The following THSD7B variants were observed in gnomAD, a reference collection of about 807,000 sequenced individuals.
The protein encoded by THSD7B is thrombospondin type-1 domain-containing protein 7B.
A neutral mutation model predicts 213.6 loss-of-function variants in THSD7B; 138 were observed. The ratio of observed to expected loss-of-function variants is 0.65; its 90% CI spans 0.56 to 0.74. The LOEUF (loss-of-function observed/expected upper bound fraction) is 0.74. THSD7B is among the 30% of genes least tolerant of loss of function. The pLI is 0.00. For synonymous variants in THSD7B, 742 were observed against 687.0 expected, an observed-to-expected ratio of 1.08 and a Z score of -1.25; for missense variants, 1,931 against 1,991.5, an observed-to-expected ratio of 0.97 and a Z score of 0.58.
intron 2 of THSD7B, among the ~76,000 whole-genome samples, chr2:136,985,882 C>A (rs368450076): frequency 1.3e-5 from 2 of 152,250 alleles, no homozygotes; most frequent in Admixed American, 6.5e-5. Flanking sequence ...GCTTTGGGAG[C>A]CCACTCCTTG....
At chr2:137,614,604 A>G (rs1286789358) in intron 17 of THSD7B, among the ~76,000 whole-genome samples, 2 of 152,178 alleles carry the variant, frequency 1.3e-5, no homozygotes, top group African/African-American at 4.8e-5. Context: ...TTGGTAAAAT[A>G]GTGATAAATT....
intron 15 of THSD7B, among the ~76,000 whole-genome samples, chr2:137,489,908 T>C (rs1688567173): frequency 1.3e-5 from 2 of 152,104 alleles, no homozygotes; most frequent in Non-Finnish European, 1.5e-5. Context: ...TGTGGAACAA[T>C]GTTCTGTTTT....
intron 15 of THSD7B, among the ~76,000 whole-genome samples, chr2:137,519,380 AT>A (rs1209304759): frequency 2.6e-5 from 4 of 152,156 alleles, no homozygotes; most frequent in African/African-American, 4.8e-5. Context: ...TAGAACAGTT[AT>A]TTTCAATACT....
chr2:136,816,188 C>T (rs932443699), intron 1 of THSD7B, among the ~76,000 whole-genome samples: 1 of 152,156 alleles, frequency 6.6e-6, no homozygotes, highest in Non-Finnish European at 1.5e-5. Flanking sequence ...TAGCAGACAT[C>T]AGAATTTGGT....
rs76706726 is a variant in THSD7B, at chr2:136,866,765, T to C, written c.-35-15379T>C. The stretch of plus-strand genomic sequence containing the variant: ...GTTGGTTCTTACTTCAGTTTTGGAA[T>C]TGGCAACAGTCTGGAAAGTATTTGT... On this transcript the variant is annotated intron_variant, in intron 1 of 27. Coordinates refer to ENST00000409968, the MANE Select transcript of THSD7B (RefSeq NM_001316349.2). Among the ~76,000 whole-genome samples, 611 of 152,326 alleles carry C rather than the reference T, an allele frequency of 4.0e-3. 24 individuals carry two copies. The East Asian group carries it at 0.088, about 22-fold the overall frequency.
chr2:136,988,925 C>T (rs1433033062), intron 2 of THSD7B, among the ~76,000 whole-genome samples: 2 of 152,038 alleles, frequency 1.3e-5, no homozygotes, highest in African/African-American at 4.8e-5. Flanking sequence ...CAAATGTTCC[C>T]CAAAAGTTTA....
At chr2:136,940,172 C>T (rs1684797121) in intron 2 of THSD7B, among the ~76,000 whole-genome samples, 1 of 152,092 alleles carries the variant, frequency 6.6e-6, no homozygotes, top group Non-Finnish European at 1.5e-5. Flanking sequence ...ACCCCCCAAC[C>T]TACCCTCCAA....
intron 6 of THSD7B, among the ~76,000 whole-genome samples, chr2:137,165,524 A>G (rs1680109566): frequency 6.6e-6 from 1 of 152,066 alleles, no homozygotes; most frequent in South Asian, 2.1e-4. Context: ...CCATGATTCT[A>G]CTGTGAGTAG....
At chr2:137,202,928 G>A (rs6711433) in intron 7 of THSD7B, among the ~76,000 whole-genome samples, 89,858 of 151,924 alleles carry the variant, frequency 0.59, 26,934 homozygotes, top group South Asian at 0.71. Flanking sequence ...GAGAGATGAT[G>A]GCTAGATAAT....
intron 27 of THSD7B, among the ~76,000 whole-genome samples, chr2:137,675,611 C>T (rs1037763881): frequency 2.0e-5 from 3 of 151,898 alleles, no homozygotes; most frequent in African/African-American, 7.3e-5. Flanking sequence ...CAGGGTTGTT[C>T]TGGGATGTTT....
chr2:137,558,231 G>A (rs1369332396), intron 15 of THSD7B, among the ~76,000 whole-genome samples: 1 of 152,170 alleles, frequency 6.6e-6, no homozygotes, highest in African/African-American at 2.4e-5. Context: ...GCATCATCCT[G>A]ATACCAAAGC....
intron 17 of THSD7B, among the ~76,000 whole-genome samples, chr2:137,573,167 G>A (rs904456136): frequency 1.2e-4 from 18 of 151,710 alleles, no homozygotes; most frequent in South Asian, 2.1e-4. Context: ...TATTCAAGGA[G>A]CATATTTCAA....
intron 17 of THSD7B, among the ~76,000 whole-genome samples, chr2:137,591,252 G>T (rs1347769076): frequency 2.6e-5 from 4 of 151,648 alleles, no homozygotes; most frequent in East Asian, 1.9e-4. Flanking sequence ...AGAATAAAAT[G>T]CTTATTAATA....
At chr2:136,831,530 T>G (rs1230897288) in intron 1 of THSD7B, among the ~76,000 whole-genome samples, 1 of 152,192 alleles carries the variant, frequency 6.6e-6, no homozygotes, top group Non-Finnish European at 1.5e-5. Context: ...ACTATTGTGT[T>G]TGATGCACTG....
At chr2:137,221,180 G>A (rs982218412) in intron 7 of THSD7B, among the ~76,000 whole-genome samples, 2 of 152,104 alleles carry the variant, frequency 1.3e-5, no homozygotes, top group African/African-American at 4.8e-5. Flanking sequence ...CCAGCTATTC[G>A]GGAGGCTGAG....
intron 17 of THSD7B, among the ~76,000 whole-genome samples, chr2:137,611,891 C>T (rs1224218219): frequency 6.6e-6 from 1 of 152,064 alleles, no homozygotes; most frequent in East Asian, 1.9e-4. Flanking sequence ...AAACTCCAGA[C>T]TATAAAAAGA....
At chr2:137,495,687 A>G (rs1000292962) in intron 15 of THSD7B, among the ~76,000 whole-genome samples, 3 of 152,112 alleles carry the variant, frequency 2.0e-5, no homozygotes, top group African/African-American at 7.2e-5. Context: ...GCCTCTCCAA[A>G]TTCCCCCTTA....
At chr2:137,587,723 G>A (rs756902666) in intron 17 of THSD7B, among the ~76,000 whole-genome samples, 20 of 152,216 alleles carry the variant, frequency 1.3e-4, no homozygotes, top group Admixed American at 5.9e-4. Context: ...GTACCTGGCC[G>A]TGTGAGGTGT....
In THSD7B at chr2:137,411,769, A is replaced by T. The variant is rs1289757107; in HGVS notation, c.2856A>T (p.Val952=). The T allele has an allele frequency of 1.2e-6, 2 of 1,613,852 alleles. No homozygotes were observed. Among genetic ancestry groups the T allele is most frequent in the Non-Finnish European group, 1.7e-6 (2 of 1,179,904 alleles). Residue 952 remains valine, a synonymous_variant, in exon 14 of 28, where the codon GTA becomes GTT. Transcript: ENST00000409968. ...GGGAGCCTCACCGAGGACTGCGGGT[A>T]CAAGCAGACAGCAAAGAATGTGGAG... ...GRREPHRGLR[V]QADSKECGEG... is the part of the protein sequence containing the mutation.
Sources: gnomAD v4.1 joint callset for allele counts (sites outside exome capture counted in the v4.1 genomes callset) on GRCh38, gnomAD v4.1.1 for gene constraint, MANE v1.5 for transcripts, NCBI Gene and HGNC (gene_info 2026-07-23, HGNC 2026-07-21) for gene names.